LARGE1: variants seen among roughly 807,000 people sequenced by gnomAD.
LARGE1 encodes xylosyl- and glucuronyltransferase LARGE1.
LARGE1 carries 43 observed loss-of-function variants against 87.6 expected under a neutral mutation model. That is an observed-to-expected ratio of 0.49 (90% CI 0.38 to 0.63). LARGE1 has a LOEUF of 0.63. Among genes scored for constraint, LARGE1 ranks in the 30% least tolerant of loss-of-function variants. LARGE1 has a pLI of 0.00. For missense variants in LARGE1, 802 were observed against 1,000.2 expected (o/e 0.80, Z 2.67); for synonymous variants, 434 against 394.6 (o/e 1.10, Z -1.18).
chr22:33,623,362 G>A (rs527802362), intron 4 of LARGE1, among the ~76,000 whole-genome samples: 5 of 152,212 alleles, frequency 3.3e-5, no homozygotes, highest in African/African-American at 9.6e-5. Context: ...GAAGACAGTA[G>A]GTCAAGCCCC....
chr22:33,458,510 C>A (rs902764844), intron 6 of LARGE1, among the ~76,000 whole-genome samples: 2 of 152,126 alleles, frequency 1.3e-5, no homozygotes, highest in African/African-American at 4.8e-5. Flanking sequence ...CGGCTCACCA[C>A]AACCTCCGCT....
intron 1 of LARGE1, among the ~76,000 whole-genome samples, chr22:33,885,209 C>T (rs1309925564): frequency 1.4e-5 from 1 of 73,490 alleles, no homozygotes; most frequent in Non-Finnish European, 3.0e-5. Context: ...ACAGGCGATA[C>T]CATGCTTCCT....
At chr22:33,123,963 TC>T in the LARGE1 span, among the ~76,000 whole-genome samples, 2 of 152,094 alleles carry the variant, frequency 1.3e-5, no homozygotes, top group African/African-American at 4.8e-5. Flanking sequence ...CACTTGCCTG[TC>T]CTCTTGGCTC....
chr22:33,290,446 T>C (rs1431945328), intron 12 of LARGE1, among the ~76,000 whole-genome samples: 2 of 152,070 alleles, frequency 1.3e-5, no homozygotes, highest in Non-Finnish European at 2.9e-5. Context: ...GGAATATCTA[T>C]AAAATGGGAG....
intron 1 of LARGE1, among the ~76,000 whole-genome samples, chr22:33,831,817 A>G (rs575045394): frequency 1.7e-4 from 26 of 151,988 alleles, no homozygotes; most frequent in African/African-American, 6.0e-4. Flanking sequence ...TCCAAAGAGG[A>G]TAACGTTCAA....
intron 1 of LARGE1, among the ~76,000 whole-genome samples, chr22:33,830,991 A>G (rs1042339485): frequency 1.3e-5 from 2 of 152,220 alleles, no homozygotes; most frequent in African/African-American, 4.8e-5. Flanking sequence ...TAGGTTTCCT[A>G]TGGATTTTGC....
chr22:33,792,199 A>C (rs1193260741), intron 1 of LARGE1, among the ~76,000 whole-genome samples: 1 of 152,168 alleles, frequency 6.6e-6, no homozygotes, highest in Non-Finnish European at 1.5e-5. Context: ...CTCATCTTGA[A>C]CTGTAGTTCC....
At chr22:33,271,382 C>T (rs1928234920), downstream of LARGE1, among the ~76,000 whole-genome samples, 1 of 152,114 alleles carries the variant, frequency 6.6e-6, no homozygotes, top group African/African-American at 2.4e-5. Flanking sequence ...CATTCAGGTT[C>T]CCCAAGTAGA....
chr22:33,315,075 G>A (rs1936004861), intron 11 of LARGE1, among the ~76,000 whole-genome samples: 1 of 152,166 alleles, frequency 6.6e-6, no homozygotes. Context: ...TGGGCATGGT[G>A]GCTGGTGCCT....
At chr22:33,132,094 T>C in the LARGE1 span, among the ~76,000 whole-genome samples, 1 of 152,132 alleles carries the variant, frequency 6.6e-6, no homozygotes, top group Admixed American at 6.5e-5. Context: ...ACATGGGAAT[T>C]GTTGGAGTTA....
intron 9 of LARGE1, among the ~76,000 whole-genome samples, chr22:33,376,204 G>A (rs1391105124): frequency 2.0e-5 from 3 of 151,944 alleles, no homozygotes; most frequent in South Asian, 2.1e-4. Flanking sequence ...AAAAAAATGC[G>A]GACACGAGTT....
At chr22:33,231,610 A>C (rs2145656924) in intron 11 of LARGE1, among the ~76,000 whole-genome samples, 1 of 152,344 alleles carries the variant, frequency 6.6e-6, no homozygotes, top group East Asian at 1.9e-4. Context: ...GAAGGCATTT[A>C]AATGAAGATT....
At chr22:33,564,722 C>T in intron 6 of LARGE1, 126 bp downstream of exon 6, 1 of 896,620 alleles carries the variant, frequency 1.1e-6, no homozygotes, top group South Asian at 1.4e-5. Context: ...ATTTGTAATT[C>T]CTCACCCACT....
At chr22:33,789,601 T>C (rs971533120) in intron 1 of LARGE1, among the ~76,000 whole-genome samples, 4 of 152,178 alleles carry the variant, frequency 2.6e-5, no homozygotes, top group Non-Finnish European at 5.9e-5. Context: ...GGCTGTACCC[T>C]GCAAAGTCAC....
At chr22:33,556,537 A>T (rs1216244467) in intron 6 of LARGE1, among the ~76,000 whole-genome samples, 2 of 47,510 alleles carry the variant, frequency 4.2e-5, no homozygotes, top group Non-Finnish European at 7.6e-5. Context: ...GGAGGGAGGG[A>T]AGGAGGGAGG....
intron 9 of LARGE1, among the ~76,000 whole-genome samples, chr22:33,366,194 G>A (rs2064585371): frequency 6.6e-6 from 1 of 152,200 alleles, no homozygotes; most frequent in Admixed American, 6.5e-5. Context: ...AGGTGTCTCA[G>A]CACAGTTTAT....
In LARGE1 at chr22:33,583,492, C is replaced by T. The variant is rs1245676185; in HGVS notation, c.616-18473G>A. ...AAAACCTTAAGGTCAGGGTTTTGGA[C>T]TTAGTAGCAATCAATGCCTCTCAAG... On this transcript the variant is annotated intron_variant, in intron 5 of 14. Transcript: ENST00000397394. Among the ~76,000 whole-genome samples the T allele has an allele frequency of 2.0e-5, 3 of 152,244 alleles. No homozygotes were observed. The South Asian group carries it at 6.2e-4, about 32-fold the overall frequency.
At position 33,266,380 on chromosome 22, in the gene LARGE1, C is replaced by T. The variant is rs1000782914; in HGVS notation, c.1730+37849G>A. 4.0e-5 allele frequency among the ~76,000 whole-genome samples: 6 copies of T among 151,244 alleles called. 1 individual carries two copies. The highest frequency in any genetic ancestry group is 4.2e-4 in the South Asian group (2 of 4,788). On this transcript the variant is annotated intron_variant, in intron 11 of 11. Coordinates refer to the LARGE1 transcript ENST00000608642. Reference sequence around the variant, plus strand: ...GGGACTACAGGCACTCGCCACCATGCCCAGCTAATTTTTTCGTATTTTTAG... The same window carrying T: ...GGGACTACAGGCACTCGCCACCATGTCCAGCTAATTTTTTCGTATTTTTAG...
At chr22:33,448,483 T>A (rs1399803477) in intron 6 of LARGE1, among the ~76,000 whole-genome samples, 1 of 152,214 alleles carries the variant, frequency 6.6e-6, no homozygotes, top group Admixed American at 6.5e-5. Context: ...GTTTATCCTA[T>A]TTAATCTTCA....
Sources: gnomAD v4.1 joint callset for allele counts (sites outside exome capture counted in the v4.1 genomes callset) on GRCh38, gnomAD v4.1.1 for gene constraint, MANE v1.5 for transcripts, NCBI Gene and HGNC (gene_info 2026-07-23, HGNC 2026-07-21) for gene names.